Variants in CSMD2 observed in about 807,000 individuals in gnomAD.
CSMD2 encodes CUB and Sushi multiple domains 2.
In CSMD2, 130 loss-of-function variants were observed where a neutral mutation model predicts 398.5. The observed-to-expected ratio is 0.33, with a 90% CI of 0.28 to 0.38. The LOEUF (loss-of-function observed/expected upper bound fraction) is 0.38. Ranked by LOEUF, CSMD2 falls within the 10% of genes least tolerant of loss-of-function variation. The probability of loss-of-function intolerance (pLI) is 1.00; values close to 1 mark genes in which losing one functional copy is unlikely to be tolerated. For synonymous variants in CSMD2, 1,828 were observed against 1,908.5 expected, an observed-to-expected ratio of 0.96 and a Z score of 1.10; for missense variants, 3,829 against 4,764.9, an observed-to-expected ratio of 0.80 and a Z score of 5.78.
At chr1:33,735,935 G>A (rs537849080) in intron 15 of CSMD2, among the ~76,000 whole-genome samples, 1 of 152,266 alleles carries the variant, frequency 6.6e-6, no homozygotes, top group East Asian at 1.9e-4. Context: ...AGGTTCCCAG[G>A]GGCTTCTTTA....
chr1:33,585,446 G>A (rs1477582028), intron 46 of CSMD2, among the ~76,000 whole-genome samples: 5 of 152,166 alleles, frequency 3.3e-5, no homozygotes, highest in Non-Finnish European at 5.9e-5. Context: ...TTCACAGGAC[G>A]CATCCAGGAT....
At chr1:33,770,848 G>A (rs1303213338) in intron 13 of CSMD2, among the ~76,000 whole-genome samples, 1 of 152,124 alleles carries the variant, frequency 6.6e-6, no homozygotes, top group Admixed American at 6.5e-5. Context: ...GGAGGCTGCC[G>A]GCCCTGCTTG....
chr1:33,562,044 G>A (rs189595673), intron 53 of CSMD2, among the ~76,000 whole-genome samples: 32 of 152,306 alleles, frequency 2.1e-4, no homozygotes, highest in Middle Eastern at 6.8e-3. Context: ...AAACTGAGGA[G>A]TGATCAAAAA....
chr1:33,972,047 G>A (rs1259719145), intron 3 of CSMD2, among the ~76,000 whole-genome samples: 1 of 152,132 alleles, frequency 6.6e-6, no homozygotes, highest in Non-Finnish European at 1.5e-5. Flanking sequence ...TAACATTCAC[G>A]ACAGCCACCC....
At chr1:34,120,643 C>G (rs2148468329) in intron 1 of CSMD2, among the ~76,000 whole-genome samples, 1 of 152,348 alleles carries the variant, frequency 6.6e-6, no homozygotes, top group East Asian at 1.9e-4. Context: ...CTCCCAGGTT[C>G]AAGCGATTCT....
intron 44 of CSMD2, among the ~76,000 whole-genome samples, chr1:33,592,716 G>A (rs995644811): frequency 1.8e-4 from 28 of 152,106 alleles, no homozygotes; most frequent in African/African-American, 5.6e-4. Flanking sequence ...TTTGGAGGCC[G>A]AGGTGGGCGG....
chr1:33,740,295 TCTATTTTCACCC>T (rs1647016222), intron 14 of CSMD2, among the ~76,000 whole-genome samples: 1 of 71,746 alleles, frequency 1.4e-5, no homozygotes, highest in African/African-American at 1.6e-4. Context: ...GAAGCCAGGC[TCTATTTTCACCC>T]CGAAGCCAGG....
intron 53 of CSMD2, among the ~76,000 whole-genome samples, chr1:33,567,096 C>T (rs292807): frequency 1 from 151,558 of 152,142 alleles, 75,490 homozygotes; most frequent in East Asian, 1. Flanking sequence ...ATGAATAACA[C>T]AATGAAAAAA....
chr1:33,908,638 A>G (rs1443762349), intron 5 of CSMD2, among the ~76,000 whole-genome samples: 1 of 152,254 alleles, frequency 6.6e-6, no homozygotes, highest in Non-Finnish European at 1.5e-5. Context: ...ACACCAGTTC[A>G]CTTCCTGCTC....
chr1:33,901,027 G>T (rs1268752159), intron 5 of CSMD2, among the ~76,000 whole-genome samples: 1 of 152,176 alleles, frequency 6.6e-6, no homozygotes, highest in Non-Finnish European at 1.5e-5. Context: ...CCCAGCTGGG[G>T]AGAACCACGT....
intron 13 of CSMD2, among the ~76,000 whole-genome samples, chr1:33,753,006 T>C (rs1424302834): frequency 6.6e-6 from 1 of 152,184 alleles, no homozygotes; most frequent in Non-Finnish European, 1.5e-5. Context: ...TAACAGCTCA[T>C]GATCAGAACA....
rs530053961 is a variant in CSMD2 at position 33,699,657 on chromosome 1, G to A, written c.3734-713C>T. Among the ~76,000 whole-genome samples, 21 of 152,286 alleles carry A rather than the reference G, an allele frequency of 1.4e-4. No homozygotes were observed. The South Asian group carries it at 2.9e-3, about 21-fold the overall frequency. On this transcript the variant is annotated intron_variant, in intron 23 of 70. Coordinates refer to ENST00000373381, the MANE Select transcript of CSMD2 (RefSeq NM_001281956.2). Reference sequence around the variant, plus strand: ...ACGAGGGGAAACCTGACTATACTCCGTGCATGATTTTCCCCAATAGCTTTC... The same window carrying A: ...ACGAGGGGAAACCTGACTATACTCCATGCATGATTTTCCCCAATAGCTTTC...
chr1:33,920,456 C>T (rs532039900), intron 4 of CSMD2, among the ~76,000 whole-genome samples: 5 of 144,892 alleles, frequency 3.5e-5, no homozygotes, highest in Non-Finnish European at 7.5e-5. Context: ...GCAGAAGAAT[C>T]GCTTGAACCC....
In CSMD2 at chr1:34,077,717, A is replaced by G. The variant is rs1656588586; in HGVS notation, c.404+11260T>C. ...GTGCCACTGCACTCCAGCCTGGGCC[A>G]CACAGCAAGACTCCATCTCAAAAAA... is the stretch of plus-strand genomic sequence containing the variant. On this transcript the variant is annotated intron_variant, in intron 2 of 70. Coordinates refer to ENST00000373381, the MANE Select transcript of CSMD2 (RefSeq NM_001281956.2). Among the ~76,000 whole-genome samples the G allele has an allele frequency of 3.7e-5, 5 of 135,586 alleles. No individual in the cohort carries two copies. The South Asian group carries it at 1.3e-3, about 34-fold the overall frequency. The allele number at this position is 135,586 out of a possible 152,430, so 88.9% of individuals were successfully genotyped here.
At chr1:33,803,313 C>T (rs908433052) in intron 10 of CSMD2, among the ~76,000 whole-genome samples, 16 of 152,316 alleles carry the variant, frequency 1.1e-4, no homozygotes, top group African/African-American at 3.1e-4. Context: ...TTCTCACCCA[C>T]GTGCTGAGAT....
chr1:33,559,892 AT>A lies in CSMD2; in HGVS notation c.8381-420del, dbSNP rs1158768492. 6.6e-6 allele frequency among the ~76,000 whole-genome samples: 1 copy of A among 152,176 alleles called. No homozygotes were observed. The highest frequency in any genetic ancestry group is 1.5e-5 in the Non-Finnish European group (1 of 68,036). ...AGCCAACCTTGTAGAACCAGAGTGA[AT>A]ACTAACCAAGACTGGTGCAGAGTTC... On this transcript the variant is annotated intron_variant, in intron 53 of 70. Transcript: ENST00000373381. This position sits in a 1 kb window ranked among gnomAD's most constrained non-coding sequence, Gnocchi z 4.0.
At chr1:33,593,961 T>C (rs906600337) in intron 44 of CSMD2, among the ~76,000 whole-genome samples, 1 of 152,214 alleles carries the variant, frequency 6.6e-6, no homozygotes, top group Admixed American at 6.5e-5. Flanking sequence ...AAGTCAACAA[T>C]TGGATAATAT....
chr1:33,964,019 T>C (rs1020974291), intron 3 of CSMD2, among the ~76,000 whole-genome samples: 2 of 152,208 alleles, frequency 1.3e-5, no homozygotes, highest in Admixed American at 1.3e-4. Context: ...GGTTGTGCCA[T>C]TTTGTCTTCT....
Position 33,577,530 on chromosome 1 carries a change from C to T in CSMD2, c.7388-46G>A, listed in dbSNP as rs189439064. On this transcript the variant is annotated intron_variant, in intron 48 of 70. Coordinates refer to ENST00000373381, the MANE Select transcript of CSMD2 (RefSeq NM_001281956.2). ...CAGGGAACTGGCACCAGCAGGAAGA[C>T]AGACATGGTCTTTCATGCAGGCCCC... 4.6e-4 allele frequency: 711 copies of T among 1,542,186 alleles called. 6 individuals carry two copies. In the African/African-American group the frequency reaches 8.4e-3, roughly 18 times the overall value.
Sources: gnomAD v4.1 joint callset for allele counts (sites outside exome capture counted in the v4.1 genomes callset) on GRCh38, gnomAD v4.1.1 for gene constraint, Gnocchi (gnomAD v3.1) non-coding constraint, MANE v1.5 for transcripts, NCBI Gene and HGNC (gene_info 2026-07-23, HGNC 2026-07-21) for gene names.